Variants in BAHCC1 observed in about 807,000 individuals in gnomAD.
The protein encoded by BAHCC1 is BAH domain and coiled-coil containing 1.
A neutral mutation model predicts 88.2 loss-of-function variants in BAHCC1; 43 were observed. That is an observed-to-expected ratio of 0.49 (90% CI 0.38 to 0.63). The LOEUF is 0.63. Ranked by LOEUF, BAHCC1 falls within the 20% of genes least tolerant of loss-of-function variation. The pLI is 0.00. For missense variants in BAHCC1, 3,023 were observed against 1,654.8 expected, an observed-to-expected ratio of 1.83 and a Z score of -14.34; for synonymous variants, 1,510 against 745.5, an observed-to-expected ratio of 2.03 and a Z score of -16.71.
chr17:81,426,745 C>G (rs2064204618), intron 2 of BAHCC1, 55 bp from the exon 3 acceptor site: 1 of 398,288 alleles, frequency 2.5e-6, no homozygotes, highest in Non-Finnish European at 4.4e-6. Flanking sequence ...CCTGCCCTGC[C>G]TCAGGCCACA....
chr17:81,398,263 T>C (rs1662396935), intron 1 of BAHCC1, among the ~76,000 whole-genome samples: 2 of 152,136 alleles, frequency 1.3e-5, no homozygotes, highest in Admixed American at 1.3e-4. Context: ...TGCACGCAGC[T>C]TCTATCACTG....
chr17:81,456,614 C>T, intron 16 of BAHCC1, 29 bp downstream of exon 16: 1 of 683,330 alleles, frequency 1.5e-6, no homozygotes, highest in Non-Finnish European at 2.7e-6. Flanking sequence ...TGGCCACTGC[C>T]AGGAGCCCCG....
intron 2 of BAHCC1, among the ~76,000 whole-genome samples, chr17:81,412,874 G>A (rs2063971829): frequency 2.0e-5 from 3 of 152,240 alleles, no homozygotes; most frequent in Admixed American, 1.3e-4. Flanking sequence ...GCTGTGGGGA[G>A]TCCCCTCCAG....
intron 14 of BAHCC1, among the ~76,000 whole-genome samples, chr17:81,454,259 G>A (rs1484340489): frequency 6.6e-6 from 1 of 152,214 alleles, no homozygotes; most frequent in Non-Finnish European, 1.5e-5. Flanking sequence ...GGATCAGGTG[G>A]GACCTGTTTT....
intron 1 of BAHCC1, 191 bp downstream of exon 1, chr17:81,395,826 A>C (rs1317901598): frequency 1.3e-5 from 2 of 152,046 alleles, no homozygotes; most frequent in African/African-American, 4.8e-5. Flanking sequence ...TTCTTAAAAA[A>C]TATGGACTAT....
At chr17:81,421,676 C>T (rs927273480) in intron 2 of BAHCC1, among the ~76,000 whole-genome samples, 4 of 152,212 alleles carry the variant, frequency 2.6e-5, no homozygotes, top group African/African-American at 9.6e-5. Flanking sequence ...GGCCCCTGCT[C>T]ACGGGGCAAG....
chr17:81,418,405 C>T (rs1007449160), intron 2 of BAHCC1, among the ~76,000 whole-genome samples: 6 of 152,174 alleles, frequency 3.9e-5, no homozygotes, highest in Non-Finnish European at 8.8e-5. Context: ...GTCTCACTGC[C>T]CCAGGAGACG....
intron 2 of BAHCC1, chr17:81,422,911 C>A (rs2064132313): frequency 3.1e-6 from 1 of 322,698 alleles, no homozygotes; most frequent in Non-Finnish European, 6.0e-6. Context: ...CCGAGGGGAG[C>A]CCACACTCAC....
rs372161444 is a variant in BAHCC1 at position 81,443,833 on chromosome 17, A to G, written c.2240A>G (p.His747Arg). The G allele has an allele frequency of 1.1e-5, 8 of 712,938 alleles. No homozygotes were observed. The highest frequency in any genetic ancestry group is 2.1e-5 in the Non-Finnish European group (8 of 384,800). 44.2% of individuals were successfully genotyped at this position (712,938 alleles called of 1,614,324 possible). ...GGTGGCGGTGGGCCCCGTTCCACAC[A>G]CGCGCTGGACCTGGAGGCTGAGGAG... is the stretch of plus-strand genomic sequence containing the variant. ...FKGGGGPRSTHALDLEAEEER... is the reference protein window; with the variant it reads ...FKGGGGPRSTRALDLEAEEER... The change falls in exon 6 of 28, where the codon CAC becomes CGC. Residue 747 changes from histidine to arginine, a missense_variant. His to Arg is a conservative substitution (Grantham distance 29, BLOSUM62 0). Coordinates refer to ENST00000675386, the MANE Select transcript of BAHCC1 (RefSeq NM_001377448.1).
chr17:81,453,496 C>T (rs1246398103), intron 14 of BAHCC1, among the ~76,000 whole-genome samples: 1 of 152,240 alleles, frequency 6.6e-6, no homozygotes, highest in Non-Finnish European at 1.5e-5. Context: ...AAAAATTAAT[C>T]TCAGGGCTTC....
rs782586684 is a variant in BAHCC1, at chr17:81,443,046, G to T, written c.1697G>T (p.Arg566Leu). The T allele has an allele frequency of 2.6e-6, 2 of 778,072 alleles. No homozygotes were observed. The highest frequency in any genetic ancestry group is 2.4e-5 in the East Asian group (1 of 41,242). 48.2% of individuals were successfully genotyped at this position (778,072 alleles called of 1,614,324 possible). The stretch of plus-strand genomic sequence containing the variant: ...GGGGGCATTGGGGCTGAGGCCAAGC[G>T]CAAGTCCCTGGAGCTGGCATCCCTG... The part of the protein sequence containing the change: ...EQGGIGAEAK[R>L]KSLELASLGY... Residue 566 changes from arginine to leucine, a missense_variant, in exon 5 of 28, where the codon CGC becomes CTC. Physicochemically the swap from Arg to Leu is moderately radical, Grantham distance 102 (BLOSUM62 -2). Transcript: ENST00000675386.
rs918370795 is a variant in BAHCC1, at chr17:81,411,688, C to T, written c.178+11771C>T. ...AGACCTGAGGCCCTCCAGGCAGCTCCCCTTCCACTCTGCCCAGCCCACCCT... is the reference window on the plus strand; with the variant it reads ...AGACCTGAGGCCCTCCAGGCAGCTCTCCTTCCACTCTGCCCAGCCCACCCT... On this transcript the variant is annotated intron_variant, in intron 2 of 27. Transcript: ENST00000675386. This position sits in a 1 kb window ranked among gnomAD's most constrained non-coding sequence, Gnocchi z 6.2. The T allele has an allele frequency of 1.8e-5, 6 of 331,572 alleles. No individual in the cohort carries two copies. The highest frequency in any genetic ancestry group is 1.3e-4 in the Admixed American group (3 of 22,940). The allele number at this position is 331,572 out of a possible 1,614,324, so 20.5% of individuals were successfully genotyped here.
In BAHCC1 at chr17:81,399,620, G is replaced by A. The variant is rs1555645623; in HGVS notation, c.-120G>A. On this transcript the variant is annotated 5_prime_UTR_variant, in exon 2 of 28. Coordinates refer to ENST00000675386, the MANE Select transcript of BAHCC1 (RefSeq NM_001377448.1). This position sits in a 1 kb window ranked among gnomAD's most constrained non-coding sequence, Gnocchi z 4.5. ...CTCCCGCGTGCTGACCGGCCCCGCC[G>A]CCACCACCGCCTGTGACCCCGGACG... The A allele has an allele frequency of 6.3e-6, 4 of 639,692 alleles. No homozygotes were observed. Among genetic ancestry groups the A allele is most frequent in the South Asian group, 2.0e-5 (1 of 49,230 alleles). 39.6% of individuals were successfully genotyped at this position (639,692 alleles called of 1,614,324 possible). A position where few individuals can be genotyped will look rare whatever the true frequency, so the allele number is the denominator to read the frequency against.
intron 27 of BAHCC1, among the ~76,000 whole-genome samples, chr17:81,463,199 G>A (rs1356255659): frequency 1.3e-5 from 2 of 152,150 alleles, no homozygotes; most frequent in Non-Finnish European, 2.9e-5. Flanking sequence ...CCACAGCAGT[G>A]CTCAGCATCC....
Position 81,464,303 on chromosome 17 carries a change from T to C in BAHCC1, c.*486T>C, listed in dbSNP as rs1244638286. 2.1e-5 allele frequency: 4 copies of C among 190,746 alleles called. No individual in the cohort carries two copies. In the East Asian group the frequency reaches 3.7e-4, roughly 18 times the overall value. The allele number at this position is 190,746 out of a possible 1,614,324, so 11.8% of individuals were successfully genotyped here. On this transcript the variant is annotated 3_prime_UTR_variant, in exon 28 of 28. Coordinates refer to ENST00000675386, the MANE Select transcript of BAHCC1 (RefSeq NM_001377448.1). Reference sequence around the variant, plus strand: ...AGGTGTGTGTGAGCGTGTATGTGTGTGCGCGTGTGTGGCGATTTTTGTCCT... The same window carrying C: ...AGGTGTGTGTGAGCGTGTATGTGTGCGCGCGTGTGTGGCGATTTTTGTCCT...
chr17:81,447,565 G>T lies in BAHCC1; in HGVS notation c.3693G>T (p.Glu1231Asp). The part of the protein sequence containing the change: ...APEEDELEED[E>D]LGQQSMEDSE... ...AGGAGGACGAGCTGGAGGAAGACGA[G>T]CTGGGGCAGCAGAGCATGGAGGACT... The change falls in exon 11 of 28, where the codon GAG (glutamate) becomes GAT (aspartate). Residue 1231 changes from glutamate to aspartate, a missense_variant. Transcript: ENST00000675386. 1.3e-6 allele frequency: 1 copy of T among 756,954 alleles called. No homozygotes were observed. Among genetic ancestry groups the T allele is most frequent in the Admixed American group, 1.8e-5 (1 of 55,312 alleles). The allele number at this position is 756,954 out of a possible 1,614,324, so 46.9% of individuals were successfully genotyped here. A position where few individuals can be genotyped will look rare whatever the true frequency, so the allele number is the denominator to read the frequency against.
chr17:81,444,433 C>G lies in BAHCC1; in HGVS notation c.2377C>G (p.Pro793Ala). 1 of 745,952 alleles carries G rather than the reference C, an allele frequency of 1.3e-6. No individual in the cohort carries two copies. 46.2% of individuals were successfully genotyped at this position (745,952 alleles called of 1,614,324 possible). A position where few individuals can be genotyped will look rare whatever the true frequency, so the allele number is the denominator to read the frequency against. The change falls in exon 7 of 28, where the codon CCT becomes GCT. Residue 793 changes from proline (P) to alanine (A), a missense_variant. Transcript: ENST00000675386. The part of the protein sequence containing the change: ...FARIHPPSSC[P>A]GDLAPHLMMQ... ...CCGGATCCACCCACCGAGCAGCTGC[C>G]CTGGGGACCTGGCCCCCCACCTCAT...
In BAHCC1 at chr17:81,458,630, G is replaced by A. The variant is rs1367350215; in HGVS notation, c.5353G>A (p.Gly1785Arg). The change falls in exon 19 of 28, where the codon GGG (glycine) becomes AGG (arginine). Residue 1785 changes from glycine to arginine, a missense_variant. Coordinates refer to ENST00000675386, the MANE Select transcript of BAHCC1 (RefSeq NM_001377448.1). ...VLQPVLRRKN[G>R]ALSITLATRN... ...GCCTGCCCACGCGCAGCGGAAGAAC[G>A]GGGCCCTGTCCATCACGCTGGCCAC... 19 of 716,938 alleles carry A rather than the reference G, an allele frequency of 2.7e-5. No individual in the cohort carries two copies. The highest frequency in any genetic ancestry group is 1.0e-4 in the South Asian group (7 of 67,600). 44.4% of individuals were successfully genotyped at this position (716,938 alleles called of 1,614,324 possible).
chr17:81,415,659 G>A (rs1424258105), intron 2 of BAHCC1: 3 of 457,858 alleles, frequency 6.6e-6, no homozygotes, highest in Non-Finnish European at 1.3e-5. Flanking sequence ...AGCACCAGGG[G>A]CAGGAGTGAC....
Sources: gnomAD v4.1 joint callset for allele counts (sites outside exome capture counted in the v4.1 genomes callset) on GRCh38, gnomAD v4.1.1 for gene constraint, Gnocchi (gnomAD v3.1) non-coding constraint, MANE v1.5 for transcripts, NCBI Gene and HGNC (gene_info 2026-07-23, HGNC 2026-07-21) for gene names.